Variants in CDS1 observed in about 807,000 individuals in gnomAD.
CDS1 encodes the protein CDP-diacylglycerol synthase 1.
Under a neutral mutation model 62.1 loss-of-function variants are expected in CDS1, and 41 were observed. The ratio of observed to expected loss-of-function variants is 0.66; its 90% CI spans 0.51 to 0.86. The LOEUF (loss-of-function observed/expected upper bound fraction) is 0.86. Among genes scored for constraint, CDS1 ranks in the 40% least tolerant of loss-of-function variants. The pLI is 0.00. For missense variants in CDS1, 470 were observed against 550.1 expected, an observed-to-expected ratio of 0.85 and a Z score of 1.46; for synonymous variants, 185 against 192.6, an observed-to-expected ratio of 0.96 and a Z score of 0.32.
chr4:84,619,483 A>C lies in CDS1; in HGVS notation c.530A>C (p.Gln177Pro). ...ATFVQREEQL[Q>P]FLIRYHRFIS... ...TTTGTTCAAAGAGAAGAACAACTTCAGTTCCTCATTCGCTACCATAGATTT... is the reference window on the plus strand; with the variant it reads ...TTTGTTCAAAGAGAAGAACAACTTCCGTTCCTCATTCGCTACCATAGATTT... Residue 177 changes from glutamine to proline, a missense_variant, in exon 5 of 13, where the codon CAG (glutamine) becomes CCG (proline). Gln to Pro is a moderately conservative substitution (Grantham distance 76). Around this residue, in one of 5 missense-constraint regions of CDS1, gnomAD observed 214 missense variants for 242.4 expected, o/e 0.88. Transcript: ENST00000295887. 1 of 1,604,876 alleles carries C rather than the reference A, an allele frequency of 6.2e-7. No individual in the cohort carries two copies. Among genetic ancestry groups the C allele is most frequent in the South Asian group, 1.1e-5 (1 of 89,608 alleles).
At position 84,630,558 on chromosome 4, in the gene CDS1, G is replaced by A. The variant is rs1723988185; in HGVS notation, c.581-1261G>A. On this transcript the variant is annotated intron_variant, in intron 5 of 12. Coordinates refer to ENST00000295887, the MANE Select transcript of CDS1 (RefSeq NM_001263.4). ...TCTACTGGTAGAATTGCCTTGATAAGTATAACTTGGATGTACAAAGTCTAG... is the reference window on the plus strand; with the variant it reads ...TCTACTGGTAGAATTGCCTTGATAAATATAACTTGGATGTACAAAGTCTAG... Among the ~76,000 whole-genome samples the A allele has an allele frequency of 2.0e-5, 3 of 152,306 alleles. 1 individual carries two copies. Among genetic ancestry groups the A allele is most frequent in the South Asian group, 4.1e-4 (2 of 4,824 alleles).
rs776894995 is a variant in CDS1 at position 84,635,353 on chromosome 4, T to TA, written c.810+4dup. On this transcript the variant is annotated splice_region_variant and intron_variant, in intron 8 of 12. Coordinates refer to ENST00000295887, the MANE Select transcript of CDS1 (RefSeq NM_001263.4). ...TTTGGGAGAACTCCATTAATTAAGG[T>TA]AATGGAAAAATTTTATAAGCAAGCC... 4.9e-6 allele frequency: 7 copies of TA among 1,436,760 alleles called. No individual in the cohort carries two copies. The highest frequency in any genetic ancestry group is 2.8e-5 in the African/African-American group (2 of 70,674). The allele number at this position is 1,436,760 out of a possible 1,614,324, so 89.0% of individuals were successfully genotyped here.
intron 5 of CDS1, among the ~76,000 whole-genome samples, chr4:84,628,016 C>T (rs1398644488): frequency 6.6e-6 from 1 of 152,138 alleles, no homozygotes; most frequent in Non-Finnish European, 1.5e-5. Context: ...CTCCACGATG[C>T]ATATTCATTT....
intron 5 of CDS1, among the ~76,000 whole-genome samples, chr4:84,631,431 TATTA>T (rs1257455100): frequency 6.6e-6 from 1 of 152,252 alleles, no homozygotes; most frequent in Non-Finnish European, 1.5e-5. Context: ...TAATAGTTAT[TATTA>T]ATTTTTCTAT....
At chr4:84,616,183 G>A (rs1353531116) in intron 3 of CDS1, among the ~76,000 whole-genome samples, 1 of 152,056 alleles carries the variant, frequency 6.6e-6, no homozygotes, top group Non-Finnish European at 1.5e-5. Context: ...CTGTATTTTT[G>A]TTAGAAATGA....
intron 6 of CDS1, 116 bp from the exon 7 acceptor site, chr4:84,633,741 C>T (rs1340698049): frequency 2.0e-6 from 1 of 505,944 alleles, no homozygotes; most frequent in Non-Finnish European, 3.4e-6. Flanking sequence ...ATGACTCTAA[C>T]TTGTACATTT....
chr4:84,651,049 A>G lies in CDS1; in HGVS notation c.*2363A>G, dbSNP rs1724717293. On this transcript the variant is annotated 3_prime_UTR_variant, in exon 13 of 13. Coordinates refer to ENST00000295887, the MANE Select transcript of CDS1 (RefSeq NM_001263.4). ...CTGGTACTTCCTGCTTGACTCTCTG[A>G]CCTGTGGGATGCACATTCTTCCTCA... is the stretch of plus-strand genomic sequence containing the variant. The G allele has an allele frequency of 6.6e-6, 1 of 152,070 alleles. No individual in the cohort carries two copies. The highest frequency in any genetic ancestry group is 1.5e-5 in the Non-Finnish European group (1 of 68,024). 9.4% of individuals were successfully genotyped at this position (152,070 alleles called of 1,614,324 possible).
rs879686627 is a variant in CDS1, at chr4:84,607,287, C to CT, written c.246-2130dup. Reference sequence around the variant, plus strand: ...AGTGGTTGAAAGCAAGGAATGTAATCTTTTTTTTTTTTAAGAGACAGTATC... The same window carrying CT: ...AGTGGTTGAAAGCAAGGAATGTAATCTTTTTTTTTTTTTAAGAGACAGTATC... On this transcript the variant is annotated intron_variant, in intron 2 of 12. Transcript: ENST00000295887. Among the ~76,000 whole-genome samples, 284 of 144,878 alleles carry CT rather than the reference C, an allele frequency of 2.0e-3. 1 individual carries two copies. The highest frequency in any genetic ancestry group is 6.0e-3 in the African/African-American group (240 of 39,684).
At chr4:84,635,203 A>G in intron 7 of CDS1, 61 bp from the exon 8 acceptor site, 1 of 795,190 alleles carries the variant, frequency 1.3e-6, no homozygotes, top group African/African-American at 1.8e-5. Flanking sequence ...CTTTCCGAAT[A>G]TCTGCCACTT....
Position 84,619,338 on chromosome 4 carries a change from G to A in CDS1, c.441-56G>A, listed in dbSNP as rs1432633920. The A allele has an allele frequency of 7.2e-6, 7 of 972,228 alleles. No homozygotes were observed. The East Asian group carries it at 2.0e-4, about 27-fold the overall frequency. The allele number at this position is 972,228 out of a possible 1,614,324, so 60.2% of individuals were successfully genotyped here. The stretch of plus-strand genomic sequence containing the variant: ...AGAATGTAGAAAATAATTTTGTTGA[G>A]TTTGAGGGGAAGGAAAGCTTCAAAT... On this transcript the variant is annotated intron_variant, in intron 4 of 12. Transcript: ENST00000295887.
chr4:84,645,649 A>T (rs186595264), intron 12 of CDS1, among the ~76,000 whole-genome samples: 122 of 152,252 alleles, frequency 8.0e-4, no homozygotes, highest in African/African-American at 2.9e-3. Context: ...ACTAAGAGTT[A>T]AAAAGGGAGA....
intron 12 of CDS1, among the ~76,000 whole-genome samples, chr4:84,647,951 G>C (rs1215291075): frequency 6.6e-6 from 1 of 152,094 alleles, no homozygotes; most frequent in East Asian, 1.9e-4. Context: ...TTTTAAAGCA[G>C]ATCTGCTTTT....
intron 5 of CDS1, among the ~76,000 whole-genome samples, chr4:84,621,354 A>G (rs1299190201): frequency 6.6e-6 from 1 of 152,166 alleles, no homozygotes; most frequent in African/African-American, 2.4e-5. Context: ...GTGGGGAAGC[A>G]TGTCCAGTCC....
chr4:84,599,405 CATATATATATATATATAT>C (rs59313355), intron 1 of CDS1, among the ~76,000 whole-genome samples: 9 of 24,708 alleles, frequency 3.6e-4, no homozygotes, highest in South Asian at 3.9e-3. Flanking sequence ...CACACACACA[CATATATATATATATATAT>C]ATATATATAT....
In CDS1 at chr4:84,589,047, G is replaced by T. The variant is rs140447098; in HGVS notation, c.117+5529G>T. ...TGAAGGTTAAAGGCAAGATAGAGTT[G>T]GTTAGGTCAGATTTTTTTTCACTGT... On this transcript the variant is annotated intron_variant, in intron 1 of 12. Coordinates refer to ENST00000295887, the MANE Select transcript of CDS1 (RefSeq NM_001263.4). 2.7e-4 allele frequency among the ~76,000 whole-genome samples: 41 copies of T among 152,266 alleles called. No individual in the cohort carries two copies. The East Asian group carries it at 7.9e-3, about 29-fold the overall frequency.
In CDS1 at chr4:84,634,372, C is replaced by G. The variant is rs112092515; in HGVS notation, c.722+433C>G. 6.7e-3 allele frequency among the ~76,000 whole-genome samples: 1,017 copies of G among 152,134 alleles called. 10 individuals are homozygous for G. The highest frequency in any genetic ancestry group is 0.023 in the African/African-American group (954 of 41,492). ...AGTTGGGTAGGTTTTCTACTTTGCT[C>G]CTGTGTAGGAGTGGGTTTCCAGATT... On this transcript the variant is annotated intron_variant, in intron 7 of 12. Transcript: ENST00000295887.
intron 2 of CDS1, among the ~76,000 whole-genome samples, chr4:84,607,434 C>T (rs1723162042): frequency 6.6e-6 from 1 of 150,438 alleles, no homozygotes; most frequent in Admixed American, 6.6e-5. Flanking sequence ...TCTCCCCCCA[C>T]TCCCCCCGCC....
intron 5 of CDS1, among the ~76,000 whole-genome samples, chr4:84,625,824 A>G (rs1159938879): frequency 2.6e-5 from 4 of 151,658 alleles, no homozygotes; most frequent in Admixed American, 1.3e-4. Flanking sequence ...CACTAAATGT[A>G]GTAATGACCT....
At position 84,583,139 on chromosome 4, in the gene CDS1, C is replaced by T; in HGVS notation, c.-263C>T. 3 of 415,178 alleles carry T rather than the reference C, an allele frequency of 7.2e-6. No homozygotes were observed. The Admixed American group carries it at 1.4e-4, about 20-fold the overall frequency. 25.7% of individuals were successfully genotyped at this position (415,178 alleles called of 1,614,324 possible). A position where few individuals can be genotyped will look rare whatever the true frequency, so the allele number is the denominator to read the frequency against. On this transcript the variant is annotated 5_prime_UTR_variant, in exon 1 of 13. Transcript: ENST00000295887. ...AGGCCGCGTCTCCGCCTTCTCTGCTCGCGCCTGGCGCCCGGAGCCTGCCCG... is the reference window on the plus strand; with the variant it reads ...AGGCCGCGTCTCCGCCTTCTCTGCTTGCGCCTGGCGCCCGGAGCCTGCCCG...
Sources: gnomAD v4.1 joint callset for allele counts (sites outside exome capture counted in the v4.1 genomes callset) on GRCh38, gnomAD v4.1.1 for gene constraint, gnomAD v4.1.1 regional missense constraint, MANE v1.5 for transcripts, NCBI Gene and HGNC (gene_info 2026-07-23, HGNC 2026-07-21) for gene names.